The following ZC3H6 variants were observed in gnomAD, a reference collection of about 807,000 sequenced individuals.
ZC3H6 encodes zinc finger CCCH domain-containing protein 6.
A neutral mutation model predicts 107.7 loss-of-function variants in ZC3H6; 40 were observed. That is an observed-to-expected ratio of 0.37 (90% CI 0.29 to 0.48). ZC3H6 has a LOEUF of 0.48. Among genes scored for constraint, ZC3H6 ranks in the 20% least tolerant of loss-of-function variants. The pLI is 0.98. For missense variants in ZC3H6, 1,267 were observed against 1,410.4 expected, an observed-to-expected ratio of 0.90 and a Z score of 1.63; for synonymous variants, 493 against 487.9, an observed-to-expected ratio of 1.01 and a Z score of -0.14.
rs1245489845 is a variant in ZC3H6, at chr2:112,334,299, T to C, written c.*1811T>C. ...GGTGTAATTTACTCTTTTGTCAGGATAAAATCAGAAAAATGGCTGATTTTA... is the reference window on the plus strand; with the variant it reads ...GGTGTAATTTACTCTTTTGTCAGGACAAAATCAGAAAAATGGCTGATTTTA... On this transcript the variant is annotated 3_prime_UTR_variant, in exon 12 of 12. Coordinates refer to ENST00000409871, the MANE Select transcript of ZC3H6 (RefSeq NM_198581.3). 1 of 152,130 alleles carries C rather than the reference T, an allele frequency of 6.6e-6. No homozygotes were observed. Among genetic ancestry groups the C allele is most frequent in the Non-Finnish European group, 1.5e-5 (1 of 67,960 alleles). 9.4% of individuals were successfully genotyped at this position (152,130 alleles called of 1,614,324 possible). A position where few individuals can be genotyped will look rare whatever the true frequency, so the allele number is the denominator to read the frequency against.
At chr2:112,324,124 T>C in intron 9 of ZC3H6, 28 bp from the exon 10 acceptor site, 1 of 1,524,574 alleles carries the variant, frequency 6.6e-7, no homozygotes, top group Non-Finnish European at 8.8e-7. Context: ...TTCTTTGAAC[T>C]AAGAAATATT....
chr2:112,311,716 C>T lies in ZC3H6; in HGVS notation c.614-88C>T, dbSNP rs545883606. ...AAAAGAATGCACTGTATATTATAGA[C>T]TATTAAAATGTGCTGTTCCTTATAA... On this transcript the variant is annotated intron_variant, in intron 4 of 11. Coordinates refer to ENST00000409871, the MANE Select transcript of ZC3H6 (RefSeq NM_198581.3). The T allele has an allele frequency of 5.0e-6, 6 of 1,201,012 alleles. No homozygotes were observed. In the Admixed American group the frequency reaches 1.0e-4, roughly 20 times the overall value. The allele number at this position is 1,201,012 out of a possible 1,614,324, so 74.4% of individuals were successfully genotyped here.
intron 1 of ZC3H6, among the ~76,000 whole-genome samples, chr2:112,291,824 T>G (rs1401432827): frequency 6.6e-6 from 1 of 152,068 alleles, no homozygotes; most frequent in Non-Finnish European, 1.5e-5. Flanking sequence ...GTTCAAGAGA[T>G]TCTCCTGCCT....
intron 1 of ZC3H6, among the ~76,000 whole-genome samples, chr2:112,292,876 A>C (rs1403517789): frequency 1.3e-5 from 2 of 152,174 alleles, no homozygotes; most frequent in Non-Finnish European, 2.9e-5. Context: ...AGACACTCCC[A>C]GGTAAGCATG....
intron 1 of ZC3H6, among the ~76,000 whole-genome samples, chr2:112,285,404 T>A (rs1686589242): frequency 6.6e-6 from 1 of 151,968 alleles, no homozygotes; most frequent in Non-Finnish European, 1.5e-5. Flanking sequence ...TCACCCAGGC[T>A]GGAGTGCAGT....
intron 1 of ZC3H6, among the ~76,000 whole-genome samples, chr2:112,297,896 C>A (rs1676272808): frequency 6.6e-6 from 1 of 152,170 alleles, no homozygotes. Context: ...AGGCAGATCA[C>A]TTGAGGTCAG....
At chr2:112,287,505 C>G (rs1009092218) in intron 1 of ZC3H6, among the ~76,000 whole-genome samples, 5 of 152,102 alleles carry the variant, frequency 3.3e-5, no homozygotes, top group African/African-American at 9.7e-5. Flanking sequence ...TCTTAATTTT[C>G]TAGATTAATG....
At position 112,324,307 on chromosome 2, in the gene ZC3H6, C is replaced by T. The variant is rs753997075; in HGVS notation, c.1496C>T (p.Pro499Leu). 5 of 1,614,002 alleles carry T rather than the reference C, an allele frequency of 3.1e-6. No homozygotes were observed. The highest frequency in any genetic ancestry group is 8.5e-7 in the Non-Finnish European group (1 of 1,179,880). ...AGTCCTGTGATGCACCCAGGCTCCC[C>T]TGGACATCACCCATGTGCAGGACCT... is the stretch of plus-strand genomic sequence containing the variant. ...HSSPVMHPGS[P>L]GHHPCAGPPG... The change falls in exon 10 of 12, where the codon CCT becomes CTT. Residue 499 changes from proline (P) to leucine (L), a missense_variant. Pro to Leu is a moderately conservative substitution (Grantham distance 98). Coordinates refer to ENST00000409871, the MANE Select transcript of ZC3H6 (RefSeq NM_198581.3).
chr2:112,296,317 C>T (rs1275932202), intron 1 of ZC3H6, among the ~76,000 whole-genome samples: 1 of 152,032 alleles, frequency 6.6e-6, no homozygotes, highest in Non-Finnish European at 1.5e-5. Flanking sequence ...GCTTCTTTCA[C>T]TCCTCATTAT....
chr2:112,298,511 G>A (rs765363127), intron 1 of ZC3H6, among the ~76,000 whole-genome samples: 5 of 152,218 alleles, frequency 3.3e-5, no homozygotes, highest in Non-Finnish European at 5.9e-5. Context: ...GGCGATACAC[G>A]TCAAAATTCA....
intron 5 of ZC3H6, among the ~76,000 whole-genome samples, chr2:112,312,406 A>G (rs1414505217): frequency 6.6e-6 from 1 of 152,226 alleles, no homozygotes; most frequent in Non-Finnish European, 1.5e-5. Flanking sequence ...TGTATGTTAC[A>G]TGTTGTAGAT....
chr2:112,290,311 G>A (rs1312601082), intron 1 of ZC3H6, among the ~76,000 whole-genome samples: 3 of 152,186 alleles, frequency 2.0e-5, no homozygotes, highest in Non-Finnish European at 4.4e-5. Context: ...CAGAAGTTTT[G>A]CTCATCCTAT....
rs1573941053 is a variant in ZC3H6, at chr2:112,275,720, C to T, written c.-275C>T. 2.4e-6 allele frequency: 1 copy of T among 413,930 alleles called. No individual in the cohort carries two copies. Among genetic ancestry groups the T allele is most frequent in the Admixed American group, 4.4e-5 (1 of 22,802 alleles). 25.6% of individuals were successfully genotyped at this position (413,930 alleles called of 1,614,324 possible). ...CCGCCCGCTCCCACGCCACAGCCAC[C>T]GGCGGCGAATAGAGACTAGAGCGGC... is the stretch of plus-strand genomic sequence containing the variant. On this transcript the variant is annotated 5_prime_UTR_variant, in exon 1 of 12. Transcript: ENST00000409871.
intron 1 of ZC3H6, among the ~76,000 whole-genome samples, chr2:112,289,857 C>G (rs1203571822): frequency 6.6e-6 from 1 of 152,210 alleles, no homozygotes; most frequent in African/African-American, 2.4e-5. Flanking sequence ...TCTACCACCC[C>G]AGCCTCCAGA....
chr2:112,305,474 G>C (rs1676457804), intron 3 of ZC3H6, among the ~76,000 whole-genome samples: 1 of 152,090 alleles, frequency 6.6e-6, no homozygotes, highest in African/African-American at 2.4e-5. Context: ...ACATTATGCA[G>C]TTATTTATTG....
At chr2:112,325,218 A>C (rs1427040003) in intron 11 of ZC3H6, 21 bp downstream of exon 11, 4 of 1,609,662 alleles carry the variant, frequency 2.5e-6, no homozygotes, top group Non-Finnish European at 3.4e-6. Context: ...AGTTATTAAT[A>C]GCATCTTACC....
chr2:112,316,296 TAAGTAG>T (rs1488925497), intron 5 of ZC3H6, among the ~76,000 whole-genome samples, 168 bp from the exon 6 acceptor site: 2 of 152,068 alleles, frequency 1.3e-5, no homozygotes, highest in East Asian at 3.9e-4. Context: ...ACTAGTAGCA[TAAGTAG>T]ATTACTAGAC....
chr2:112,326,115 A>G (rs1676902414), intron 11 of ZC3H6, among the ~76,000 whole-genome samples: 1 of 152,174 alleles, frequency 6.6e-6, no homozygotes, highest in Non-Finnish European at 1.5e-5. Context: ...TTTATGGAGT[A>G]CATGAGGTAT....
rs1018518373 is a variant in ZC3H6 at position 112,284,566 on chromosome 2, G to A, written c.32+8540G>A. Among the ~76,000 whole-genome samples the A allele has an allele frequency of 1.3e-4, 19 of 150,850 alleles. 1 individual carries two copies. The highest frequency in any genetic ancestry group is 4.6e-4 in the African/African-American group (19 of 40,962). On this transcript the variant is annotated intron_variant, in intron 1 of 11. Coordinates refer to ENST00000409871, the MANE Select transcript of ZC3H6 (RefSeq NM_198581.3). Reference sequence around the variant, plus strand: ...CAGTAATGATAATTTTCTCAGTGCTGCCTGTTGCTAGATTGTTCCTATGAT... The same window carrying A: ...CAGTAATGATAATTTTCTCAGTGCTACCTGTTGCTAGATTGTTCCTATGAT...
Sources: gnomAD v4.1 joint callset for allele counts (sites outside exome capture counted in the v4.1 genomes callset) on GRCh38, gnomAD v4.1.1 for gene constraint, MANE v1.5 for transcripts, NCBI Gene and HGNC (gene_info 2026-07-23, HGNC 2026-07-21) for gene names.